GREB1L: variants seen among roughly 807,000 people sequenced by gnomAD.
GREB1L encodes GREB1-like protein.
Under a neutral mutation model 200.8 loss-of-function variants are expected in GREB1L, and 17 were observed. The ratio of observed to expected loss-of-function variants is 0.08; its 90% CI spans 0.06 to 0.13. The LOEUF (loss-of-function observed/expected upper bound fraction) is 0.13. Ranked by LOEUF, GREB1L falls within the 10% of genes least tolerant of loss-of-function variation. The probability of loss-of-function intolerance (pLI) is 1.00; values close to 1 mark genes in which losing one functional copy is unlikely to be tolerated. For missense variants in GREB1L, 1,657 were observed against 2,367.7 expected, an observed-to-expected ratio of 0.70 and a Z score of 6.23; for synonymous variants, 789 against 893.0, an observed-to-expected ratio of 0.88 and a Z score of 2.08.
At chr18:21,373,778 A>C (rs1232062845) in intron 2 of GREB1L, among the ~76,000 whole-genome samples, 7 of 152,242 alleles carry the variant, frequency 4.6e-5, no homozygotes, top group Admixed American at 2.6e-4. Context: ...GAAAGAGTAG[A>C]ATAAATGCTT....
intron 25 of GREB1L, among the ~76,000 whole-genome samples, chr18:21,506,578 A>G (rs2037031531): frequency 1.3e-5 from 2 of 152,204 alleles, no homozygotes; most frequent in Non-Finnish European, 2.9e-5. Flanking sequence ...ATATTACAGT[A>G]TATTTGATAA....
At chr18:21,305,353 C>T (rs1397158724) in intron 1 of GREB1L, among the ~76,000 whole-genome samples, 3 of 152,114 alleles carry the variant, frequency 2.0e-5, no homozygotes, top group Non-Finnish European at 2.9e-5. Context: ...TATTGATTTA[C>T]GTACCTGTTT....
At chr18:21,398,646 A>T (rs866614030) in intron 5 of GREB1L, among the ~76,000 whole-genome samples, 11 of 152,220 alleles carry the variant, frequency 7.2e-5, no homozygotes, top group African/African-American at 2.4e-4. Flanking sequence ...TGATTTTCGT[A>T]TGCATTAAAA....
intron 15 of GREB1L, 145 bp downstream of exon 15, chr18:21,454,708 GT>G: frequency 1.4e-6 from 1 of 710,030 alleles, no homozygotes; most frequent in Non-Finnish European, 2.4e-6. Context: ...GTTATTTTGG[GT>G]TTATCTGAAG....
intron 2 of GREB1L, among the ~76,000 whole-genome samples, chr18:21,375,167 C>T (rs752130993): frequency 5.3e-5 from 8 of 151,782 alleles, no homozygotes; most frequent in Non-Finnish European, 1.0e-4. Context: ...TGGGTTCAAG[C>T]GATTCTTCTG....
intron 1 of GREB1L, among the ~76,000 whole-genome samples, chr18:21,357,944 G>A (rs1410290315): frequency 1.3e-5 from 2 of 151,920 alleles, no homozygotes; most frequent in African/African-American, 2.4e-5. Context: ...GGCTATTTGG[G>A]GTCTTTTGTT....
chr18:21,395,963 C>T (rs1035371723), intron 5 of GREB1L, among the ~76,000 whole-genome samples: 3 of 151,736 alleles, frequency 2.0e-5, no homozygotes, highest in Admixed American at 1.3e-4. Flanking sequence ...CCCCTGACCT[C>T]GTGATCTGCC....
At chr18:21,266,103 A>G (rs1598615266) in intron 1 of GREB1L, among the ~76,000 whole-genome samples, 1 of 152,146 alleles carries the variant, frequency 6.6e-6, no homozygotes, top group East Asian at 1.9e-4. Flanking sequence ...ATCTCTACCT[A>G]TTAAATCCTA....
chr18:21,303,872 C>T (rs1418435548), intron 1 of GREB1L, among the ~76,000 whole-genome samples: 1 of 152,082 alleles, frequency 6.6e-6, no homozygotes, highest in East Asian at 1.9e-4. Flanking sequence ...TTGTTTACTT[C>T]CCTGGATTAT....
At chr18:21,435,137 C>T (rs2033454203) in intron 7 of GREB1L, 1 of 152,612 alleles carries the variant, frequency 6.6e-6, no homozygotes, top group Admixed American at 6.5e-5. Flanking sequence ...ACTTGTGTGA[C>T]ATTTAATTGA....
chr18:21,394,979 G>A (rs968688590), intron 4 of GREB1L, among the ~76,000 whole-genome samples: 5 of 147,264 alleles, frequency 3.4e-5, no homozygotes, highest in East Asian at 2.0e-4. Flanking sequence ...TGGCGCACAC[G>A]CCTGTAATCT....
intron 1 of GREB1L, among the ~76,000 whole-genome samples, chr18:21,255,438 G>A (rs1231829912): frequency 6.6e-6 from 1 of 152,120 alleles, no homozygotes; most frequent in Non-Finnish European, 1.5e-5. Context: ...AAGTTCTGAC[G>A]GAAAGCACTG....
At chr18:21,511,566 T>C (rs1257526694) in intron 27 of GREB1L, among the ~76,000 whole-genome samples, 1 of 152,218 alleles carries the variant, frequency 6.6e-6, no homozygotes, top group African/African-American at 2.4e-5. Flanking sequence ...AGGTCTTTGA[T>C]CCATTTTGAG....
At chr18:21,273,656 A>C (rs2038114623) in intron 1 of GREB1L, among the ~76,000 whole-genome samples, 1 of 152,208 alleles carries the variant, frequency 6.6e-6, no homozygotes, top group Non-Finnish European at 1.5e-5. Flanking sequence ...AGATTTAAGA[A>C]AGTTTTTGAA....
At chr18:21,343,730 A>T (rs1447045519) in intron 1 of GREB1L, among the ~76,000 whole-genome samples, 3 of 114,950 alleles carry the variant, frequency 2.6e-5, no homozygotes, top group Admixed American at 1.8e-4. Context: ...GAGAAGAGAG[A>T]TTTTTTTTTT....
At chr18:21,375,654 G>A (rs183038377) in intron 2 of GREB1L, among the ~76,000 whole-genome samples, 5 of 152,250 alleles carry the variant, frequency 3.3e-5, no homozygotes, top group Admixed American at 2.6e-4. Flanking sequence ...GATAAAGATA[G>A]CACCTAAGAG....
At chr18:21,314,363 C>T (rs1486250083) in intron 1 of GREB1L, among the ~76,000 whole-genome samples, 1 of 151,960 alleles carries the variant, frequency 6.6e-6, no homozygotes, top group Admixed American at 6.6e-5. Context: ...TGGAAACTTT[C>T]ACAGTTTCCA....
chr18:21,450,978 A>C, intron 12 of GREB1L, 45 bp from the exon 13 acceptor site: 1 of 1,536,886 alleles, frequency 6.5e-7, no homozygotes, highest in Non-Finnish European at 8.8e-7. Context: ...TTCCAGCAAC[A>C]TTTGTTCTGT....
At chr18:21,252,425 C>T (rs371747170) in intron 1 of GREB1L, among the ~76,000 whole-genome samples, 6 of 151,928 alleles carry the variant, frequency 3.9e-5, no homozygotes, top group South Asian at 4.2e-4. Context: ...GGTATGGTGG[C>T]GCATGCCTGT....
Sources: allele counts gnomAD v4.1 joint callset (sites outside exome capture counted in the v4.1 genomes callset), GRCh38; gene constraint gnomAD v4.1.1; transcripts MANE v1.5; gene names NCBI Gene and HGNC (gene_info 2026-07-23, HGNC 2026-07-21).